The following AGPS variants were observed in gnomAD, a reference collection of about 807,000 sequenced individuals.
The protein encoded by AGPS is alkylglycerone phosphate synthase.
AGPS carries 26 observed loss-of-function variants against 90.7 expected under a neutral mutation model. That is an observed-to-expected ratio of 0.29 (90% CI 0.21 to 0.40). The LOEUF (loss-of-function observed/expected upper bound fraction) is 0.40. Ranked by LOEUF, AGPS falls within the 10% of genes least tolerant of loss-of-function variation. The probability of loss-of-function intolerance (pLI) is 1.00; values close to 1 mark genes in which losing one functional copy is unlikely to be tolerated. For missense variants in AGPS, 540 were observed against 816.1 expected (o/e 0.66, Z 4.12); for synonymous variants, 294 against 285.3 (o/e 1.03, Z -0.31).
At chr2:177,410,692 A>T (rs1685595710) in intron 1 of AGPS, among the ~76,000 whole-genome samples, 2 of 152,068 alleles carry the variant, frequency 1.3e-5, no homozygotes, top group South Asian at 4.2e-4. Context: ...GGACAGGGAG[A>T]GTAAGACTGA....
chr2:177,508,178 T>C (rs1343933708), intron 16 of AGPS, 147 bp downstream of exon 16: 1 of 653,200 alleles, frequency 1.5e-6, no homozygotes, highest in African/African-American at 1.8e-5. Context: ...AATTAATATA[T>C]TCATCAGAAT....
intron 1 of AGPS, 131 bp from the exon 2 acceptor site, chr2:177,420,138 T>G (rs1685903369): frequency 8.1e-6 from 5 of 618,300 alleles, no homozygotes; most frequent in Non-Finnish European, 1.4e-5. Context: ...TGTGCTAATT[T>G]TATTTAACCT....
chr2:177,453,717 A>G (rs570079712), intron 8 of AGPS, among the ~76,000 whole-genome samples: 59 of 93,260 alleles, frequency 6.3e-4, no homozygotes, highest in African/African-American at 2.3e-3. Context: ...TTTTTTGGAG[A>G]CAGAGTCTTA....
rs1172040227 is a variant in AGPS, at chr2:177,436,139, A to ATTTTTTTTTTTTTTTTT, written c.442-622_442-606dup. Among the ~76,000 whole-genome samples, 14 of 82,124 alleles carry ATTTTTTTTTTTTTTTTT rather than the reference A, an allele frequency of 1.7e-4. 1 individual carries two copies. The highest frequency in any genetic ancestry group is 5.6e-4 in the Admixed American group (3 of 5,350). The allele number at this position is 82,124 out of a possible 152,430, so 53.9% of individuals were successfully genotyped here. On this transcript the variant is annotated intron_variant, in intron 3 of 19. Transcript: ENST00000264167. ...GCAATTGAAGAATAAGAAATGCTGAATTTTTTTTTTTTTTTTTTTGCGACA... is the reference window on the plus strand; with the variant it reads ...GCAATTGAAGAATAAGAAATGCTGAATTTTTTTTTTTTTTTTTTTTTTTTTTTTTTTTTTTTGCGACA...
intron 8 of AGPS, among the ~76,000 whole-genome samples, chr2:177,450,088 C>T (rs371465385): frequency 8.5e-5 from 13 of 152,230 alleles, no homozygotes; most frequent in South Asian, 6.2e-4. Flanking sequence ...CCATCTACCT[C>T]GGCCTCCCAA....
At chr2:177,450,366 A>T (rs1686902060) in intron 8 of AGPS, among the ~76,000 whole-genome samples, 1 of 152,138 alleles carries the variant, frequency 6.6e-6, no homozygotes, top group African/African-American at 2.4e-5. Context: ...CTGTTGTGTC[A>T]TAATGCAAGG....
chr2:177,532,372 G>A (rs965142736), intron 19 of AGPS, among the ~76,000 whole-genome samples: 52 of 152,142 alleles, frequency 3.4e-4, no homozygotes, highest in African/African-American at 1.1e-3. Flanking sequence ...GTTCAACATC[G>A]TTAGCTATTA....
intron 1 of AGPS, among the ~76,000 whole-genome samples, chr2:177,408,514 C>G (rs1424140949): frequency 6.6e-6 from 1 of 152,064 alleles, no homozygotes; most frequent in African/African-American, 2.4e-5. Context: ...CCAGATAGTC[C>G]TTTGTAAGAT....
At chr2:177,463,621 G>T (rs898614471) in intron 9 of AGPS, among the ~76,000 whole-genome samples, 3 of 151,824 alleles carry the variant, frequency 2.0e-5, no homozygotes, top group Non-Finnish European at 2.9e-5. Context: ...TGTCTATATT[G>T]TGAATACTTT....
chr2:177,493,096 A>C, intron 11 of AGPS, 52 bp from the exon 12 acceptor site: 1 of 1,453,046 alleles, frequency 6.9e-7, no homozygotes, highest in Non-Finnish European at 9.6e-7. Context: ...CTACCTGTCT[A>C]GCTTCTTACT....
intron 7 of AGPS, among the ~76,000 whole-genome samples, chr2:177,444,420 CA>C (rs10618529): frequency 0.023 from 2,105 of 90,956 alleles, 25 homozygotes; most frequent in African/African-American, 0.061. Flanking sequence ...GACTCTGTCT[CA>C]AAAAAAAAAA....
chr2:177,433,911 G>A (rs1261018158), intron 2 of AGPS, among the ~76,000 whole-genome samples: 1 of 151,998 alleles, frequency 6.6e-6, no homozygotes, highest in Admixed American at 6.6e-5. Context: ...TGATTTCTCG[G>A]TATGCTTTCC....
At position 177,478,127 on chromosome 2, in the gene AGPS, G is replaced by T. The variant is rs78272676; in HGVS notation, c.1106-3932G>T. On this transcript the variant is annotated intron_variant, in intron 10 of 19. Coordinates refer to ENST00000264167, the MANE Select transcript of AGPS (RefSeq NM_003659.4). ...GATAACTGCTGGATGTAGGATTGCT[G>T]GTTGACACATTTTTCCCCCTTTCAG... 1.1e-4 allele frequency among the ~76,000 whole-genome samples: 17 copies of T among 152,182 alleles called. No homozygotes were observed. In the East Asian group the frequency reaches 3.3e-3, roughly 29 times the overall value.
rs2105748727 is a variant in AGPS, at chr2:177,540,370, A to G, written c.*2175A>G. ...ACCTTGATTTTATAATGGTGACTGC[A>G]TTTTGTAGGTGGAATCATTTCTACC... is the stretch of plus-strand genomic sequence containing the variant. On this transcript the variant is annotated 3_prime_UTR_variant, in exon 20 of 20. Transcript: ENST00000264167. The G allele has an allele frequency of 6.6e-6, 1 of 152,082 alleles. No individual in the cohort carries two copies. Among genetic ancestry groups the G allele is most frequent in the East Asian group, 1.9e-4 (1 of 5,184 alleles). 9.4% of individuals were successfully genotyped at this position (152,082 alleles called of 1,614,324 possible). A position where few individuals can be genotyped will look rare whatever the true frequency, so the allele number is the denominator to read the frequency against.
rs200546003 is a variant in AGPS, at chr2:177,482,198, A to AAT, written c.1233+24_1233+25dup. Reference sequence around the variant, plus strand: ...AAATTGCAAAACAGGTAAAAGAAAAAATATATATATATACATACATACATA... The same window carrying AAT: ...AAATTGCAAAACAGGTAAAAGAAAAAATATATATATATATACATACATACATA... On this transcript the variant is annotated intron_variant, in intron 11 of 19. Coordinates refer to ENST00000264167, the MANE Select transcript of AGPS (RefSeq NM_003659.4). 4,240 of 1,385,156 alleles carry AAT rather than the reference A, an allele frequency of 3.1e-3. 9 individuals are homozygous for AAT. The highest frequency in any genetic ancestry group is 3.6e-3 in the Non-Finnish European group (3,566 of 1,004,344). The allele number at this position is 1,385,156 out of a possible 1,614,324, so 85.8% of individuals were successfully genotyped here.
intron 14 of AGPS, among the ~76,000 whole-genome samples, chr2:177,503,104 A>G (rs1466209602): frequency 6.6e-6 from 1 of 151,888 alleles, no homozygotes; most frequent in Non-Finnish European, 1.5e-5. Context: ...GAGCATTTTT[A>G]TGTGTTGTCT....
At chr2:177,465,926 G>A (rs970585076) in intron 9 of AGPS, among the ~76,000 whole-genome samples, 7 of 152,234 alleles carry the variant, frequency 4.6e-5, no homozygotes, top group South Asian at 2.1e-4. Flanking sequence ...GCCATTTAGC[G>A]GGTCCTGAGT....
At chr2:177,494,951 C>T in intron 12 of AGPS, among the ~76,000 whole-genome samples, 1 of 152,204 alleles carries the variant, frequency 6.6e-6, no homozygotes, top group Non-Finnish European at 1.5e-5. Context: ...AGACCCTGCA[C>T]TAACCGTATG....
At chr2:177,426,424 A>G (rs991841496) in intron 2 of AGPS, among the ~76,000 whole-genome samples, 3 of 152,162 alleles carry the variant, frequency 2.0e-5, no homozygotes, top group African/African-American at 7.2e-5. Flanking sequence ...AACTTCCAAT[A>G]CTATGTTGAA....
Sources: gnomAD v4.1 joint callset for allele counts (sites outside exome capture counted in the v4.1 genomes callset) on GRCh38, gnomAD v4.1.1 for gene constraint, MANE v1.5 for transcripts, NCBI Gene and HGNC (gene_info 2026-07-23, HGNC 2026-07-21) for gene names.